The following GAS7 variants were observed in gnomAD, a reference collection of about 807,000 sequenced individuals.
GAS7 encodes the protein growth arrest-specific protein 7.
A neutral mutation model predicts 71.1 loss-of-function variants in GAS7; 28 were observed. That is an observed-to-expected ratio of 0.39 (90% CI 0.29 to 0.54). The LOEUF (loss-of-function observed/expected upper bound fraction) is 0.54. GAS7 is among the 20% of genes least tolerant of loss of function. The pLI is 0.62. For missense variants in GAS7, 436 were observed against 627.8 expected (o/e 0.69, Z 3.27); for synonymous variants, 258 against 245.8 (o/e 1.05, Z -0.46).
intron 3 of GAS7, among the ~76,000 whole-genome samples, chr17:9,976,452 G>T (rs1225769232): frequency 6.6e-6 from 1 of 152,226 alleles, no homozygotes; most frequent in East Asian, 1.9e-4. Context: ...GCAGGGGAGA[G>T]GAGAGCTGTC....
chr17:10,065,687 T>C (rs2073274491), intron 1 of GAS7, among the ~76,000 whole-genome samples: 2 of 152,242 alleles, frequency 1.3e-5, no homozygotes, highest in South Asian at 4.1e-4. Flanking sequence ...AAGACTCTTT[T>C]CTAAATAAAA....
At chr17:9,983,508 C>T (rs983775582) in intron 2 of GAS7, among the ~76,000 whole-genome samples, 1 of 148,120 alleles carries the variant, frequency 6.8e-6, no homozygotes, top group Non-Finnish European at 1.5e-5. Context: ...GAAAATAGGC[C>T]GGGCGCGGTG....
intron 1 of GAS7, among the ~76,000 whole-genome samples, chr17:10,049,153 T>C (rs1405580685): frequency 5.3e-5 from 8 of 152,244 alleles, no homozygotes; most frequent in Non-Finnish European, 8.8e-5. Context: ...AAGAAGTCTT[T>C]GTTTTTCGTG....
At chr17:9,960,055 C>CAA (rs1315165344) in intron 4 of GAS7, among the ~76,000 whole-genome samples, 2 of 152,148 alleles carry the variant, frequency 1.3e-5, no homozygotes, top group African/African-American at 4.8e-5. Flanking sequence ...GTTGGGGGCT[C>CAA]AATACCAGAG....
At chr17:10,108,184 A>G (rs1772836356) in intron 1 of GAS7, among the ~76,000 whole-genome samples, 1 of 152,240 alleles carries the variant, frequency 6.6e-6, no homozygotes, top group African/African-American at 2.4e-5. Flanking sequence ...TGCCTGAAGC[A>G]TGCAGTTTAT....
At chr17:10,050,495 C>G (rs990221269) in intron 1 of GAS7, among the ~76,000 whole-genome samples, 5 of 152,078 alleles carry the variant, frequency 3.3e-5, no homozygotes, top group African/African-American at 1.2e-4. Context: ...CTCTGCCCAC[C>G]CTAAACCTGG....
chr17:10,143,542 CA>C (rs35511428), intron 1 of GAS7, among the ~76,000 whole-genome samples: 25,953 of 135,412 alleles, frequency 0.19, 2,315 homozygotes, highest in South Asian at 0.25. Context: ...AATTCCGTCT[CA>C]AAAAAAAAAA....
In GAS7 at chr17:9,911,051, C is replaced by T. The variant is rs150920796; in HGVS notation, c.*6177G>A. ...CTCGTGTCTGTGAAGGGGTTGCTTC[C>T]GGTCATCTCCTTCCTAACGGAAGGG... On this transcript the variant is annotated 3_prime_UTR_variant, in exon 14 of 14. Transcript: ENST00000432992. The surrounding 1 kb of genome is among the most constrained non-coding windows in gnomAD (Gnocchi z 4.0). 1,371 of 233,156 alleles carry T rather than the reference C, an allele frequency of 5.9e-3. 8 individuals are homozygous for T. The highest frequency in any genetic ancestry group is 7.9e-3 in the Non-Finnish European group (928 of 117,886). The allele number at this position is 233,156 out of a possible 1,614,324, so 14.4% of individuals were successfully genotyped here. A position where few individuals can be genotyped will look rare whatever the true frequency, so the allele number is the denominator to read the frequency against.
intron 2 of GAS7, among the ~76,000 whole-genome samples, chr17:10,015,865 C>T (rs2071975458): frequency 6.6e-6 from 1 of 152,152 alleles, no homozygotes; most frequent in Non-Finnish European, 1.5e-5. Flanking sequence ...TCCCCAGGGT[C>T]TCTCTGTGAC....
intron 1 of GAS7, chr17:10,036,304 C>G (rs538847403): frequency 1.2e-6 from 1 of 814,688 alleles, no homozygotes; most frequent in East Asian, 2.5e-5. Flanking sequence ...CAGACCACCA[C>G]AGCTCAGCAG....
chr17:10,152,876 G>A (rs536691163), intron 1 of GAS7, among the ~76,000 whole-genome samples: 2 of 151,976 alleles, frequency 1.3e-5, no homozygotes, highest in East Asian at 3.9e-4. Flanking sequence ...GTAGGTGCGT[G>A]GCCATTTCTT....
chr17:10,164,307 T>C (rs1006885388), intron 1 of GAS7, among the ~76,000 whole-genome samples: 1 of 151,868 alleles, frequency 6.6e-6, no homozygotes, highest in Non-Finnish European at 1.5e-5. Context: ...CGGGGCTTGG[T>C]GGTGCGCGCT....
chr17:10,039,578 G>A (rs1044327006), intron 1 of GAS7, among the ~76,000 whole-genome samples: 31 of 152,262 alleles, frequency 2.0e-4, no homozygotes, highest in Non-Finnish European at 3.7e-4. Context: ...AGCTACTCAG[G>A]AGGCTGAGGC....
intron 1 of GAS7, among the ~76,000 whole-genome samples, chr17:10,171,852 C>T (rs537240022): frequency 1.3e-5 from 2 of 152,280 alleles, no homozygotes; most frequent in South Asian, 4.1e-4. Flanking sequence ...CATGAAAGCC[C>T]TCTGTAACCG....
chr17:10,190,714 T>G (rs1220242712), intron 1 of GAS7, among the ~76,000 whole-genome samples: 2 of 152,038 alleles, frequency 1.3e-5, no homozygotes, highest in Admixed American at 1.3e-4. Context: ...GTGGTGACAT[T>G]CACTAAAGTT....
At chr17:10,009,144 C>G (rs1179198456) in intron 2 of GAS7, among the ~76,000 whole-genome samples, 1 of 151,350 alleles carries the variant, frequency 6.6e-6, no homozygotes, top group Non-Finnish European at 1.5e-5. Flanking sequence ...AACGGTGAAA[C>G]CCCGTCTCTA....
chr17:10,175,035 G>T (rs1485922764), intron 1 of GAS7, among the ~76,000 whole-genome samples: 1 of 151,980 alleles, frequency 6.6e-6, no homozygotes, highest in African/African-American at 2.4e-5. Context: ...TATAGAGATG[G>T]GGGTCTCACT....
At chr17:10,162,966 T>C (rs1368251239) in intron 1 of GAS7, among the ~76,000 whole-genome samples, 2 of 152,200 alleles carry the variant, frequency 1.3e-5, no homozygotes, top group African/African-American at 4.8e-5. Flanking sequence ...TACTGAACTA[T>C]AGACTTCCAA....
At chr17:9,979,001 A>G (rs1035901510) in intron 3 of GAS7, among the ~76,000 whole-genome samples, 2 of 152,304 alleles carry the variant, frequency 1.3e-5, no homozygotes, top group African/African-American at 4.8e-5. Flanking sequence ...AAATGCCTGT[A>G]GCCCCTCCCC....
Sources: allele counts gnomAD v4.1 joint callset (sites outside exome capture counted in the v4.1 genomes callset), GRCh38; gene constraint gnomAD v4.1.1; non-coding constraint Gnocchi (gnomAD v3.1); transcripts MANE v1.5; gene names NCBI Gene and HGNC (gene_info 2026-07-23, HGNC 2026-07-21).